The following GALNT13 variants were observed in gnomAD, a reference collection of about 807,000 sequenced individuals.
The protein encoded by GALNT13 is polypeptide N-acetylgalactosaminyltransferase 13.
GALNT13 carries 28 observed loss-of-function variants against 64.2 expected under a neutral mutation model. That is an observed-to-expected ratio of 0.44 (90% CI 0.32 to 0.60). GALNT13 has a LOEUF of 0.60. GALNT13 is among the 20% of genes least tolerant of loss of function. The probability of loss-of-function intolerance (pLI) is 0.05; values close to 1 mark genes in which losing one functional copy is unlikely to be tolerated. For synonymous variants in GALNT13, 214 were observed against 224.6 expected (o/e 0.95, Z 0.42); for missense variants, 577 against 669.8 (o/e 0.86, Z 1.53).
At chr2:153,611,989 G>A in the GALNT13 span, among the ~76,000 whole-genome samples, 31 of 151,924 alleles carry the variant, frequency 2.0e-4, no homozygotes, top group African/African-American at 7.3e-4. Flanking sequence ...AGTTTGCTGA[G>A]GATGATGGTT....
In GALNT13 at chr2:154,323,211, C is replaced by T. The variant is rs574576441; in HGVS notation, c.1156+21622C>T. ...CTTGAGAGGCTGAGGCAGGAGGATT[C>T]CCGGAGCTCAGGAGCTTGAGGCTAC... On this transcript the variant is annotated intron_variant, in intron 9 of 12. Transcript: ENST00000392825. Among the ~76,000 whole-genome samples, 12 of 151,318 alleles carry T rather than the reference C, an allele frequency of 7.9e-5. No individual in the cohort carries two copies. The South Asian group carries it at 2.5e-3, about 32-fold the overall frequency.
At chr2:153,706,355 A>G in the GALNT13 span, among the ~76,000 whole-genome samples, 1 of 152,170 alleles carries the variant, frequency 6.6e-6, no homozygotes, top group Non-Finnish European at 1.5e-5. Flanking sequence ...CTACTACCCC[A>G]TCTCCAAGAC....
chr2:153,575,101 G>C, the GALNT13 span, among the ~76,000 whole-genome samples: 5 of 152,146 alleles, frequency 3.3e-5, no homozygotes, highest in Admixed American at 3.3e-4. Flanking sequence ...GTAATGCTCT[G>C]GTTCTTGCAA....
the GALNT13 span, among the ~76,000 whole-genome samples, chr2:153,405,769 T>G: frequency 6.6e-6 from 1 of 152,160 alleles, no homozygotes; most frequent in East Asian, 1.9e-4. Flanking sequence ...TATTATAAGC[T>G]GATAAAACCC....
chr2:154,027,138 A>G (rs1473210152), intron 3 of GALNT13, among the ~76,000 whole-genome samples: 2 of 152,104 alleles, frequency 1.3e-5, no homozygotes, highest in Admixed American at 6.6e-5. Flanking sequence ...CTAAACAACT[A>G]TTTTACCTAT....
the GALNT13 span, among the ~76,000 whole-genome samples, chr2:153,688,891 T>C: frequency 2.0e-5 from 3 of 152,022 alleles, no homozygotes; most frequent in Non-Finnish European, 2.9e-5. Flanking sequence ...TCAATATTAT[T>C]GTTGTTACCT....
intron 3 of GALNT13, among the ~76,000 whole-genome samples, chr2:154,060,869 G>A (rs887807558): frequency 1.3e-5 from 2 of 151,880 alleles, no homozygotes; most frequent in Admixed American, 1.3e-4. Flanking sequence ...AGCCTCCAGG[G>A]GGACACAGCA....
the GALNT13 span, among the ~76,000 whole-genome samples, chr2:153,077,162 C>T: frequency 4.6e-5 from 7 of 151,916 alleles, no homozygotes; most frequent in Non-Finnish European, 7.4e-5. Context: ...ATGTTGGCCA[C>T]GCTGGTCTCT....
At chr2:153,771,181 G>T in the GALNT13 span, among the ~76,000 whole-genome samples, 2 of 152,170 alleles carry the variant, frequency 1.3e-5, no homozygotes, top group Non-Finnish European at 2.9e-5. Flanking sequence ...CTTTACAGGG[G>T]ATGGGAGAAA....
chr2:153,523,043 ATTTTT>A, the GALNT13 span, among the ~76,000 whole-genome samples: 7 of 83,380 alleles, frequency 8.4e-5, no homozygotes, highest in African/African-American at 1.5e-4. Context: ...TGTGTTTACT[ATTTTT>A]TTTTTTTTTT....
the GALNT13 span, among the ~76,000 whole-genome samples, chr2:153,525,777 A>G: frequency 6.6e-6 from 1 of 152,110 alleles, no homozygotes. Flanking sequence ...CTTAGTTCTT[A>G]GATGGCATTT....
chr2:154,254,794 C>T (rs1304662826), intron 7 of GALNT13, among the ~76,000 whole-genome samples: 1 of 151,792 alleles, frequency 6.6e-6, no homozygotes, highest in Non-Finnish European at 1.5e-5. Flanking sequence ...ACAACTTATG[C>T]AGAGGAAACA....
the GALNT13 span, among the ~76,000 whole-genome samples, chr2:153,484,002 A>C: frequency 6.6e-6 from 1 of 152,180 alleles, no homozygotes; most frequent in Admixed American, 6.5e-5. Flanking sequence ...TCTGAATTGT[A>C]CATATAAAAA....
At chr2:154,445,819 CA>C (rs757692169) in intron 12 of GALNT13, 270 of 1,288,426 alleles carry the variant, frequency 2.1e-4, no homozygotes, top group Non-Finnish European at 2.6e-4. Context: ...TAGTGTCTCC[CA>C]AGGGCAGGCA....
At chr2:153,656,794 G>T in the GALNT13 span, among the ~76,000 whole-genome samples, 3 of 152,098 alleles carry the variant, frequency 2.0e-5, no homozygotes, top group African/African-American at 7.2e-5. Flanking sequence ...GAGAACCGGG[G>T]CATCAAATCT....
chr2:153,228,853 CAG>C, the GALNT13 span, among the ~76,000 whole-genome samples: 1 of 113,006 alleles, frequency 8.8e-6, no homozygotes, highest in Non-Finnish European at 1.6e-5. Context: ...ACCCTGGTGA[CAG>C]AGCGAGACTG....
intron 3 of GALNT13, among the ~76,000 whole-genome samples, chr2:153,972,858 T>C (rs1437335453): frequency 1.3e-5 from 2 of 152,020 alleles, no homozygotes; most frequent in Admixed American, 1.3e-4. Flanking sequence ...GCCTCACTGA[T>C]AGAATTTGTG....
At chr2:153,457,357 T>C in the GALNT13 span, among the ~76,000 whole-genome samples, 1 of 152,232 alleles carries the variant, frequency 6.6e-6, no homozygotes, top group Admixed American at 6.5e-5. Context: ...AGAACAGATA[T>C]AGCTAATAAA....
intron 9 of GALNT13, among the ~76,000 whole-genome samples, chr2:154,327,169 AGG>A (rs1425355034): frequency 1.3e-5 from 2 of 152,008 alleles, no homozygotes; most frequent in Non-Finnish European, 2.9e-5. Flanking sequence ...CGGTTTTATA[AGG>A]GGCTCTTCCT....
Sources: gnomAD v4.1 joint callset for allele counts (sites outside exome capture counted in the v4.1 genomes callset) on GRCh38, gnomAD v4.1.1 for gene constraint, MANE v1.5 for transcripts, NCBI Gene and HGNC (gene_info 2026-07-23, HGNC 2026-07-21) for gene names.